The following THSD4 variants were observed in gnomAD, a reference collection of about 807,000 sequenced individuals.
THSD4 encodes the protein thrombospondin type-1 domain-containing protein 4.
In THSD4, 69 loss-of-function variants were observed where a neutral mutation model predicts 119.0. The observed-to-expected ratio is 0.58, with a 90% CI of 0.48 to 0.71. The LOEUF is 0.71. THSD4 is among the 30% of genes least tolerant of loss of function. The probability of loss-of-function intolerance (pLI) is 0.00; values close to 1 mark genes in which losing one functional copy is unlikely to be tolerated. For synonymous variants in THSD4, 524 were observed against 540.4 expected, an observed-to-expected ratio of 0.97 and a Z score of 0.42; for missense variants, 1,393 against 1,391.1, an observed-to-expected ratio of 1.00 and a Z score of -0.02.
chr15:71,668,851 A>G (rs1295265211), intron 8 of THSD4, among the ~76,000 whole-genome samples: 3 of 152,250 alleles, frequency 2.0e-5, no homozygotes. Flanking sequence ...TTAAGCCTAT[A>G]GCATGAAAGA....
chr15:71,561,959 G>A (rs1376267533), intron 7 of THSD4, among the ~76,000 whole-genome samples: 2 of 151,766 alleles, frequency 1.3e-5, no homozygotes, highest in East Asian at 1.9e-4. Flanking sequence ...GAGCCAGAAA[G>A]TGATGTTAAG....
At chr15:71,199,727 A>AGT (rs1257247668) in intron 3 of THSD4, among the ~76,000 whole-genome samples, 1 of 19,828 alleles carries the variant, frequency 5.0e-5, no homozygotes, top group Non-Finnish European at 9.5e-5. Context: ...GTGTGTGTGT[A>AGT]GTGTGTGTGT....
chr15:71,521,672 T>C (rs2048443100), intron 7 of THSD4, among the ~76,000 whole-genome samples: 1 of 152,310 alleles, frequency 6.6e-6, no homozygotes, highest in East Asian at 1.9e-4. Context: ...TCATTTGTGT[T>C]CTAAAAGAAT....
At chr15:71,250,471 C>T (rs2044248117) in intron 5 of THSD4, among the ~76,000 whole-genome samples, 1 of 152,144 alleles carries the variant, frequency 6.6e-6, no homozygotes, top group African/African-American at 2.4e-5. Context: ...CAGGCATGCA[C>T]TACCATGCTC....
intron 5 of THSD4, among the ~76,000 whole-genome samples, chr15:71,248,089 G>C (rs1055871989): frequency 6.6e-6 from 1 of 152,178 alleles, no homozygotes; most frequent in Non-Finnish European, 1.5e-5. Context: ...AGACCAGCCT[G>C]GGGAACATAG....
intron 8 of THSD4, among the ~76,000 whole-genome samples, chr15:71,716,785 C>A (rs1434328933): frequency 6.6e-6 from 1 of 152,128 alleles, no homozygotes; most frequent in Non-Finnish European, 1.5e-5. Context: ...TGGGGCATCC[C>A]CCCTTGCAGT....
intron 6 of THSD4, among the ~76,000 whole-genome samples, chr15:71,305,252 G>A (rs773848893): frequency 8.5e-5 from 13 of 152,304 alleles, no homozygotes; most frequent in South Asian, 8.3e-4. Context: ...ATCCAAGACA[G>A]TACCAGTCCC....
In THSD4 at chr15:71,453,964, A is replaced by G. The variant is rs903668269; in HGVS notation, c.1152+42141A>G. The stretch of plus-strand genomic sequence containing the variant: ...AAAATAACTCAAATGTACATTTAAA[A>G]CCACTCTTTCAGCTGGGCACAGTGT... On this transcript the variant is annotated intron_variant, in intron 7 of 17. Transcript: ENST00000261862. 2.0e-5 allele frequency among the ~76,000 whole-genome samples: 3 copies of G among 152,096 alleles called. No individual in the cohort carries two copies. The East Asian group carries it at 5.8e-4, about 29-fold the overall frequency.
chr15:71,200,274 T>C (rs2043792296), intron 3 of THSD4, among the ~76,000 whole-genome samples: 2 of 152,072 alleles, frequency 1.3e-5, no homozygotes, highest in South Asian at 2.1e-4. Flanking sequence ...TTGCACCTTA[T>C]GTTGACTAGG....
At position 71,668,396 on chromosome 15, in the gene THSD4, G is replaced by C. The variant is rs1368270288; in HGVS notation, c.1357+7662G>C. Among the ~76,000 whole-genome samples, 5 of 152,156 alleles carry C rather than the reference G, an allele frequency of 3.3e-5. No individual in the cohort carries two copies. In the East Asian group the frequency reaches 9.6e-4, roughly 29 times the overall value. ...CAGCCCAGGTGTGCAGAGGGGGTCTGGGATGAGAAGGGGCTGACCTGTGAG... is the reference window on the plus strand; with the variant it reads ...CAGCCCAGGTGTGCAGAGGGGGTCTCGGATGAGAAGGGGCTGACCTGTGAG... On this transcript the variant is annotated intron_variant, in intron 8 of 17. Transcript: ENST00000261862.
intron 7 of THSD4, among the ~76,000 whole-genome samples, chr15:71,529,918 G>T (rs1246828788): frequency 6.6e-6 from 1 of 152,114 alleles, no homozygotes; most frequent in African/African-American, 2.4e-5. Flanking sequence ...GGTTTGTTGG[G>T]ATATGCTCGG....
intron 7 of THSD4, among the ~76,000 whole-genome samples, chr15:71,638,923 G>C (rs1320624426): frequency 6.6e-6 from 1 of 152,154 alleles, no homozygotes; most frequent in Admixed American, 6.5e-5. Flanking sequence ...AGGGACCCAG[G>C]TTGTTGGAAG....
At chr15:71,270,607 A>G (rs2044516848) in intron 6 of THSD4, among the ~76,000 whole-genome samples, 1 of 152,346 alleles carries the variant, frequency 6.6e-6, no homozygotes, top group South Asian at 2.1e-4. Flanking sequence ...GCCCACGGTC[A>G]CCTAGCTAGT....
chr15:71,355,469 A>G (rs1301065381), intron 6 of THSD4, among the ~76,000 whole-genome samples: 1 of 152,186 alleles, frequency 6.6e-6, no homozygotes, highest in Non-Finnish European at 1.5e-5. Context: ...AATGTCTCTC[A>G]GTTTGTTGCA....
Position 71,746,896 on chromosome 15 carries a change from C to T in THSD4, c.2095C>T (p.Arg699Cys), listed in dbSNP as rs1250244120. 2.5e-6 allele frequency: 4 copies of T among 1,613,978 alleles called. No individual in the cohort carries two copies. The highest frequency in any genetic ancestry group is 2.7e-5 in the African/African-American group (2 of 74,944). Residue 699 changes from arginine to cysteine, a missense_variant, in exon 13 of 18, where the codon CGC becomes TGC. Arg to Cys is a radical substitution (Grantham distance 180). Coordinates refer to ENST00000261862, the MANE Select transcript of THSD4 (RefSeq NM_024817.3). ...SKTCGLGMQH[R>C]QVLCRQVYAN... Reference sequence around the variant, plus strand: ...GACCTGTGGCCTGGGCATGCAGCACCGCCAGGTTCTGTGCCGCCAGGTGTA... The same window carrying T: ...GACCTGTGGCCTGGGCATGCAGCACTGCCAGGTTCTGTGCCGCCAGGTGTA...
chr15:71,619,197 C>T (rs2050376312), intron 7 of THSD4, among the ~76,000 whole-genome samples: 2 of 151,996 alleles, frequency 1.3e-5, no homozygotes, highest in Non-Finnish European at 2.9e-5. Context: ...GTCTTGAACT[C>T]CTGACCTCAG....
chr15:71,523,989 C>A (rs1370604386), intron 7 of THSD4, among the ~76,000 whole-genome samples: 2 of 152,184 alleles, frequency 1.3e-5, no homozygotes. Flanking sequence ...CCACGTATAT[C>A]ATAAGTGTCT....
At chr15:71,214,623 C>G (rs1482317853) in intron 3 of THSD4, among the ~76,000 whole-genome samples, 1 of 152,250 alleles carries the variant, frequency 6.6e-6, no homozygotes, top group Non-Finnish European at 1.5e-5. Context: ...CAGTCTGGCT[C>G]TAAAGCGGTG....
intron 4 of THSD4, among the ~76,000 whole-genome samples, chr15:71,232,169 C>A (rs1250161012): frequency 2.0e-5 from 3 of 152,192 alleles, no homozygotes; most frequent in African/African-American, 7.2e-5. Context: ...TAGGTAGCCA[C>A]TGGCTGCTGA....
Sources: allele counts gnomAD v4.1 joint callset (sites outside exome capture counted in the v4.1 genomes callset), GRCh38; gene constraint gnomAD v4.1.1; transcripts MANE v1.5; gene names NCBI Gene and HGNC (gene_info 2026-07-23, HGNC 2026-07-21).